The following MTCL2 variants were observed in gnomAD, a reference collection of about 807,000 sequenced individuals.
MTCL2 encodes the protein microtubule cross-linking factor 2.
At chr20:36,798,297 G>A in the MTCL2 span, among the ~76,000 whole-genome samples, 9 of 152,198 alleles carry the variant, frequency 5.9e-5, no homozygotes, top group Admixed American at 5.9e-4. Flanking sequence ...TTGAACTCCT[G>A]ACTCAGGTGA....
chr20:36,844,656 C>G, the MTCL2 span, among the ~76,000 whole-genome samples: 1 of 151,666 alleles, frequency 6.6e-6, no homozygotes, highest in South Asian at 2.1e-4. Flanking sequence ...CACCACTGCA[C>G]TCCAGCCTGG....
At chr20:36,859,657 C>T in the MTCL2 span, 1 of 1,231,804 alleles carries the variant, frequency 8.1e-7, no homozygotes. Context: ...CCAGAGCAGA[C>T]CATACCAGAC....
chr20:36,835,266 C>CCTGTCAA, the MTCL2 span, among the ~76,000 whole-genome samples: 1 of 152,192 alleles, frequency 6.6e-6, no homozygotes, highest in Admixed American at 6.5e-5. Flanking sequence ...TTCTGTAGGT[C>CCTGTCAA]CTGTCAACGG....
At chr20:36,817,051 G>C in the MTCL2 span, among the ~76,000 whole-genome samples, 1 of 152,042 alleles carries the variant, frequency 6.6e-6, no homozygotes. Flanking sequence ...TGGATTGCTT[G>C]AGGCCAGGAG....
At chr20:36,804,556 G>C in the MTCL2 span, among the ~76,000 whole-genome samples, 2 of 152,144 alleles carry the variant, frequency 1.3e-5, no homozygotes, top group Admixed American at 1.3e-4. Context: ...ATTCCCCACC[G>C]TTTCTGATAC....
the MTCL2 span, among the ~76,000 whole-genome samples, chr20:36,813,667 AAGGCGGAGACAGG>A: frequency 6.8e-6 from 1 of 147,302 alleles, no homozygotes. Context: ...AGCTACCCGG[AAGGCGGAGACAGG>A]AGGCGGAGGT....
the MTCL2 span, chr20:36,839,447 G>T: frequency 1.2e-6 from 2 of 1,612,302 alleles, no homozygotes; most frequent in Non-Finnish European, 8.5e-7. This position sits in a 1 kb window ranked among gnomAD's most constrained non-coding sequence, Gnocchi z 5.1. Context: ...TCGTCCTGCG[G>T]AGGGAAGGAA....
the MTCL2 span, chr20:36,786,278 A>G: frequency 8.0e-7 from 1 of 1,246,418 alleles, no homozygotes; most frequent in East Asian, 3.4e-5. Context: ...TCCCCTGGGA[A>G]GTCGAAGCTC....
the MTCL2 span, among the ~76,000 whole-genome samples, chr20:36,810,724 C>CTCTT: frequency 6.3e-5 from 9 of 142,366 alleles, no homozygotes; most frequent in East Asian, 1.8e-3. Flanking sequence ...CTCCCTCTCT[C>CTCTT]TCTCTCTCTC....
chr20:36,794,003 G>A, the MTCL2 span: 35 of 1,551,644 alleles, frequency 2.3e-5, no homozygotes, highest in Admixed American at 3.9e-5. This position sits in a 1 kb window ranked among gnomAD's most constrained non-coding sequence, Gnocchi z 5.4. Flanking sequence ...CCTCTCCAGT[G>A]AGCCGGAGCG....
the MTCL2 span, among the ~76,000 whole-genome samples, chr20:36,841,874 GGTGTGTGTGT>G: frequency 2.3e-4 from 25 of 110,858 alleles, no homozygotes; most frequent in Middle Eastern, 4.2e-3. Flanking sequence ...TGGGGGGTGG[GGTGTGTGTGT>G]GTGTGTGTGT....
At chr20:36,784,681 T>C in the MTCL2 span, 1 of 985,414 alleles carries the variant, frequency 1.0e-6, no homozygotes, top group Non-Finnish European at 1.2e-6. Context: ...CATGCTGCAA[T>C]GAGCCACATC....
the MTCL2 span, chr20:36,839,279 G>A: frequency 3.6e-5 from 58 of 1,611,424 alleles, 1 homozygote; most frequent in Admixed American, 5.2e-4. This position sits in a 1 kb window ranked among gnomAD's most constrained non-coding sequence, Gnocchi z 5.1. Context: ...TGGGCGGCAC[G>A]GAGACTGCGG....
At chr20:36,836,933 C>T in the MTCL2 span, among the ~76,000 whole-genome samples, 1 of 152,210 alleles carries the variant, frequency 6.6e-6, no homozygotes, top group Admixed American at 6.5e-5. Flanking sequence ...GCCTTTGAAA[C>T]CATGGCTCTC....
the MTCL2 span, among the ~76,000 whole-genome samples, chr20:36,821,662 G>A: frequency 6.6e-6 from 1 of 152,184 alleles, no homozygotes; most frequent in Non-Finnish European, 1.5e-5. Flanking sequence ...AGGTTACATT[G>A]AGCCAAGATC....
the MTCL2 span, among the ~76,000 whole-genome samples, chr20:36,842,799 T>A: frequency 6.7e-6 from 1 of 149,046 alleles, no homozygotes. Context: ...AGAAACAGAG[T>A]CACCAGGGAT....
the MTCL2 span, chr20:36,803,251 C>T: frequency 8.0e-7 from 1 of 1,248,176 alleles, no homozygotes; most frequent in Non-Finnish European, 1.1e-6. Flanking sequence ...CCAGCTTAGT[C>T]CTCCCCACTC....
the MTCL2 span, among the ~76,000 whole-genome samples, chr20:36,832,718 C>T: frequency 6.6e-6 from 1 of 152,222 alleles, no homozygotes; most frequent in African/African-American, 2.4e-5. Flanking sequence ...TGGCACATGC[C>T]TATAATCCCA....
the MTCL2 span, among the ~76,000 whole-genome samples, chr20:36,807,654 C>T: frequency 4.6e-5 from 7 of 152,170 alleles, no homozygotes; most frequent in East Asian, 3.9e-4. Flanking sequence ...CCCAGAGCTC[C>T]GCCCCCACGT....
Sources: gnomAD v4.1 joint callset for allele counts (sites outside exome capture counted in the v4.1 genomes callset) on GRCh38, gnomAD v4.1.1 for gene constraint, Gnocchi (gnomAD v3.1) non-coding constraint, MANE v1.5 for transcripts, NCBI Gene and HGNC (gene_info 2026-07-23, HGNC 2026-07-21) for gene names.